Variants in CFAP47 observed in about 807,000 individuals in gnomAD.
The protein encoded by CFAP47 is cilia and flagella associated protein 47, also known as cilia- and flagella-associated protein 47.
CFAP47 carries 29 observed loss-of-function variants against 148.1 expected under a neutral mutation model. The ratio of observed to expected loss-of-function variants is 0.20; its 90% CI spans 0.15 to 0.27. The LOEUF (loss-of-function observed/expected upper bound fraction) is 0.27, where lower values mean the gene tolerates loss of function less well. CFAP47 is among the 10% of genes least tolerant of loss of function. CFAP47 has a pLI of 1.00. For synonymous variants in CFAP47, 664 were observed against 577.3 expected (o/e 1.15, Z -2.15); for missense variants, 1,872 against 1,697.5 (o/e 1.10, Z -1.81).
At chrX:36,261,912 C>T (rs1356170182) in intron 49 of CFAP47, among the ~76,000 whole-genome samples, 2 of 111,206 alleles carry the variant, frequency 1.8e-5, no homozygotes, top group African/African-American at 6.6e-5. Flanking sequence ...CGGGCAGAGG[C>T]GCCCCCCACC....
Position 36,243,454 on chromosome X carries a change from T to C in CFAP47, c.7332+6595T>C, listed in dbSNP as rs782614238. On this transcript the variant is annotated intron_variant, in intron 48 of 63. Transcript: ENST00000378653. ...AAGAGACCCGTCTCACATGTAACAA[T>C]ACCCACAGGCTCAAAGTAAAAAGGA... Among the ~76,000 whole-genome samples, 6 of 108,356 alleles carry C rather than the reference T, an allele frequency of 5.5e-5. No individual in the cohort carries two copies. In the South Asian group the frequency reaches 2.4e-3, roughly 44 times the overall value. The allele number at this position is 108,356 out of a possible 115,157, so 94.1% of individuals were successfully genotyped here. A position where few individuals can be genotyped will look rare whatever the true frequency, so the allele number is the denominator to read the frequency against.
chrX:36,101,778 C>T (rs1938380839), intron 32 of CFAP47, among the ~76,000 whole-genome samples: 1 of 111,428 alleles, frequency 9.0e-6, no homozygotes, highest in Non-Finnish European at 1.9e-5. Context: ...CAGAACAAAT[C>T]CAAATATCTC....
At chrX:36,034,439 G>A (rs1226999764) in intron 23 of CFAP47, among the ~76,000 whole-genome samples, 1 of 110,810 alleles carries the variant, frequency 9.0e-6, no homozygotes, top group Non-Finnish European at 1.9e-5. Context: ...ATCAATTTTA[G>A]CCTACAATCA....
At chrX:36,299,855 T>G (rs1941281193) in intron 52 of CFAP47, among the ~76,000 whole-genome samples, 1 of 112,424 alleles carries the variant, frequency 8.9e-6, no homozygotes, top group Non-Finnish European at 1.9e-5. Context: ...CAGTAATTGT[T>G]ATTTTAATGA....
At chrX:36,093,961 CAG>C (rs1938231088) in intron 30 of CFAP47, among the ~76,000 whole-genome samples, 1 of 111,446 alleles carries the variant, frequency 9.0e-6, no homozygotes, top group African/African-American at 3.2e-5. Context: ...CTGTATCGTT[CAG>C]AGTTTCTTTG....
At chrX:36,250,154 T>C (rs1435969065) in intron 48 of CFAP47, among the ~76,000 whole-genome samples, 2 of 111,532 alleles carry the variant, frequency 1.8e-5, no homozygotes, top group Admixed American at 1.9e-4. Flanking sequence ...AGCCAAGATA[T>C]GGACTGAACC....
At chrX:36,192,421 A>G (rs1260572246) in intron 42 of CFAP47, among the ~76,000 whole-genome samples, 1 of 111,574 alleles carries the variant, frequency 9.0e-6, no homozygotes, top group Non-Finnish European at 1.9e-5. Context: ...GACGTTGCAA[A>G]ACACACAATG....
At chrX:36,379,260 G>A (rs1180373570) in intron 62 of CFAP47, 90 bp from the exon 63 acceptor site, 1 of 819,668 alleles carries the variant, frequency 1.2e-6, no homozygotes, top group Non-Finnish European at 1.8e-6. Context: ...GCCTATTGCA[G>A]CAGGATTCAA....
intron 56 of CFAP47, among the ~76,000 whole-genome samples, chrX:36,318,059 G>C (rs1941451319): frequency 9.0e-6 from 1 of 111,547 alleles, no homozygotes; most frequent in South Asian, 3.7e-4. Context: ...ATAGGGGCTA[G>C]GGTGAGGCCC....
chrX:35,987,025 G>A (rs781485946), intron 15 of CFAP47, among the ~76,000 whole-genome samples: 2 of 111,431 alleles, frequency 1.8e-5, no homozygotes, highest in East Asian at 5.7e-4. Flanking sequence ...AAGCCCTCCC[G>A]CATGAGGTGT....
At chrX:35,963,410 T>C (rs1936360912) in intron 8 of CFAP47, among the ~76,000 whole-genome samples, 1 of 111,347 alleles carries the variant, frequency 9.0e-6, no homozygotes, top group African/African-American at 3.2e-5. Flanking sequence ...AATTTCTATT[T>C]ATTAGTTGTA....
chrX:36,060,762 A>G (rs1219291613), intron 26 of CFAP47, among the ~76,000 whole-genome samples: 1 of 111,347 alleles, frequency 9.0e-6, no homozygotes, highest in Non-Finnish European at 1.9e-5. Context: ...ATTTTCTAGA[A>G]TTATTAGTGT....
intron 26 of CFAP47, among the ~76,000 whole-genome samples, chrX:36,048,645 A>C (rs1394582119): frequency 8.9e-6 from 1 of 111,841 alleles, no homozygotes; most frequent in African/African-American, 3.2e-5. Context: ...CTCCCAGCTC[A>C]GAGATTGTAC....
At chrX:35,931,850 ATATC>A (rs1935830937) in intron 2 of CFAP47, among the ~76,000 whole-genome samples, 1 of 111,414 alleles carries the variant, frequency 9.0e-6, no homozygotes, top group Non-Finnish European at 1.9e-5. Context: ...ACTGTCTTGA[ATATC>A]TAAGGGTGTT....
At chrX:35,994,238 G>A (rs1000857089) in intron 18 of CFAP47, among the ~76,000 whole-genome samples, 41 of 110,380 alleles carry the variant, frequency 3.7e-4, no homozygotes, top group African/African-American at 1.4e-3. Flanking sequence ...CTCCAGCCTG[G>A]GCAACAGAGC....
intron 37 of CFAP47, among the ~76,000 whole-genome samples, chrX:36,152,679 T>C (rs58768310): frequency 0.039 from 4,411 of 111,840 alleles, 239 homozygotes; most frequent in African/African-American, 0.14. Context: ...TCTTTCTGTG[T>C]GGTTTTCGTC....
intron 26 of CFAP47, among the ~76,000 whole-genome samples, chrX:36,062,350 TATC>T (rs1270358834): frequency 2.0e-4 from 22 of 111,792 alleles, no homozygotes; most frequent in Middle Eastern, 4.6e-3. Flanking sequence ...CAAGGCCAGT[TATC>T]ATGGAAATTT....
intron 58 of CFAP47, among the ~76,000 whole-genome samples, chrX:36,349,538 C>T (rs6527557): frequency 0.11 from 11,863 of 111,558 alleles, 522 homozygotes; most frequent in East Asian, 0.26. Flanking sequence ...GCTAGGATTA[C>T]AGGCATGAGC....
intron 39 of CFAP47, among the ~76,000 whole-genome samples, chrX:36,177,260 T>G (rs1031130654): frequency 2.0e-4 from 22 of 112,294 alleles, no homozygotes; most frequent in Admixed American, 1.9e-3. Flanking sequence ...CTCAAAATGG[T>G]GTATGTACAG....
Sources: gnomAD v4.1 joint callset for allele counts (sites outside exome capture counted in the v4.1 genomes callset) on GRCh38, gnomAD v4.1.1 for gene constraint, MANE v1.5 for transcripts, NCBI Gene and HGNC (gene_info 2026-07-23, HGNC 2026-07-21) for gene names.